The following DPEP1 variants were observed in gnomAD, a reference collection of about 807,000 sequenced individuals.
The protein encoded by DPEP1 is dipeptidase 1, also known as beta-lactamase.
DPEP1 carries 50 observed loss-of-function variants against 42.3 expected under a neutral mutation model. The observed-to-expected ratio is 1.18, with a 90% confidence interval of 0.94 to 1.50. DPEP1 has a LOEUF of 1.50. DPEP1 is among the 40% of genes most tolerant of loss of function. DPEP1 has a pLI of 0.00. For synonymous variants in DPEP1, 297 were observed against 234.0 expected, an observed-to-expected ratio of 1.27 and a Z score of -2.46; for missense variants, 663 against 553.0, an observed-to-expected ratio of 1.20 and a Z score of -1.99.
In DPEP1 at chr16:89,637,637, C is replaced by A; in HGVS notation, c.859C>A (p.Leu287Met). The A allele has an allele frequency of 6.2e-7, 1 of 1,612,960 alleles. No individual in the cohort carries two copies. Among genetic ancestry groups the A allele is most frequent in the Non-Finnish European group, 8.5e-7 (1 of 1,179,992 alleles). Residue 287 changes from leucine (L) to methionine (M), a missense_variant, in exon 9 of 11, where the codon CTG becomes ATG. Physicochemically the swap from Leu to Met is conservative, Grantham distance 15. Transcript: ENST00000690203. The part of the protein sequence containing the change: ...KANLSQVADH[L>M]DHIKEVAGAR... ...ACCTGCTGCTCCCTGGACAGACCATCTGGATCACATCAAGGAGGTGGCAGG... is the reference window on the plus strand; with the variant it reads ...ACCTGCTGCTCCCTGGACAGACCATATGGATCACATCAAGGAGGTGGCAGG...
intron 1 of DPEP1, among the ~76,000 whole-genome samples, chr16:89,628,616 C>T (rs1359246208): frequency 6.6e-6 from 1 of 152,008 alleles, no homozygotes; most frequent in Non-Finnish European, 1.5e-5. Flanking sequence ...GCCTCAAGTT[C>T]TCTCCTTAGT....
At chr16:89,615,255 G>A (rs2059370080) in intron 1 of DPEP1, among the ~76,000 whole-genome samples, 1 of 152,214 alleles carries the variant, frequency 6.6e-6, no homozygotes, top group African/African-American at 2.4e-5. Context: ...GACGGACACT[G>A]AGCCCCAAAG....
chr16:89,639,028 ACAC>A (rs2059721808), downstream of DPEP1, among the ~76,000 whole-genome samples: 1 of 62,360 alleles, frequency 1.6e-5, no homozygotes, highest in Admixed American at 2.0e-4. Context: ...CTGCACGCAC[ACAC>A]CCCCCACCCC....
In DPEP1 at chr16:89,637,630, A is replaced by G; in HGVS notation, c.854-2A>G. ...GACCCATACCTGCTGCTCCCTGGAC[A>G]GACCATCTGGATCACATCAAGGAGG... On this transcript the variant is annotated splice_acceptor_variant, in intron 8 of 10. Coordinates refer to ENST00000690203, the MANE Select transcript of DPEP1 (RefSeq NM_001389466.1). LOFTEE classifies it high-confidence loss of function. The G allele has an allele frequency of 6.2e-7, 1 of 1,612,962 alleles. No homozygotes were observed. Among genetic ancestry groups the G allele is most frequent in the Non-Finnish European group, 8.5e-7 (1 of 1,179,996 alleles).
chr16:89,614,040 GC>G (rs1325284837), intron 1 of DPEP1, among the ~76,000 whole-genome samples: 1 of 145,568 alleles, frequency 6.9e-6, no homozygotes, highest in Non-Finnish European at 1.5e-5. Context: ...GGAAACTGGG[GC>G]CAGGTGTGTG....
At chr16:89,614,898 G>A (rs1300554503) in intron 1 of DPEP1, among the ~76,000 whole-genome samples, 3 of 152,188 alleles carry the variant, frequency 2.0e-5, no homozygotes, top group Non-Finnish European at 4.4e-5. Flanking sequence ...GCGGAAGTTG[G>A]AGTCTGGAGC....
intron 1 of DPEP1, among the ~76,000 whole-genome samples, chr16:89,625,996 G>A (rs377113898): frequency 2.6e-5 from 4 of 152,294 alleles, no homozygotes; most frequent in African/African-American, 4.8e-5. Flanking sequence ...CCTCAGAAAC[G>A]GTGCAAAATG....
chr16:89,636,951 G>A lies in DPEP1; in HGVS notation c.591+16G>A. 2 of 1,611,718 alleles carry A rather than the reference G, an allele frequency of 1.2e-6. No homozygotes were observed. The highest frequency in any genetic ancestry group is 1.7e-6 in the Non-Finnish European group (2 of 1,179,716). ...CTTTGGGCAGGTGAGTGGGGTGGGA[G>A]CGGCCAGTCACCCCCGAGGAGAAGG... On this transcript the variant is annotated intron_variant, in intron 6 of 10. Coordinates refer to ENST00000690203, the MANE Select transcript of DPEP1 (RefSeq NM_001389466.1).
intron 1 of DPEP1, among the ~76,000 whole-genome samples, chr16:89,614,575 A>C (rs2059363086): frequency 6.6e-6 from 1 of 152,150 alleles, no homozygotes; most frequent in African/African-American, 2.4e-5. Flanking sequence ...TGGGCAGATC[A>C]TGAGGTCAGG....
chr16:89,614,518 G>T (rs1597735853), intron 1 of DPEP1, among the ~76,000 whole-genome samples: 1 of 152,350 alleles, frequency 6.6e-6, no homozygotes, highest in East Asian at 1.9e-4. Flanking sequence ...GCTGTGGCCG[G>T]GCGCGGTGGC....
chr16:89,620,079 C>A (rs562943379), intron 1 of DPEP1, among the ~76,000 whole-genome samples: 2 of 151,172 alleles, frequency 1.3e-5, no homozygotes, highest in South Asian at 4.2e-4. Context: ...CAGCTCAGTG[C>A]GGTCCACACG....
chr16:89,635,556 G>A lies in DPEP1; in HGVS notation c.105-352G>A, dbSNP rs547346728. ...TCACCCCCAGGCCCTTGCCCCTCAC[G>A]TCTCCAATCCTGTCCACTGAGGTCA... On this transcript the variant is annotated intron_variant, in intron 2 of 10. Coordinates refer to ENST00000690203, the MANE Select transcript of DPEP1 (RefSeq NM_001389466.1). Among the ~76,000 whole-genome samples the A allele has an allele frequency of 9.9e-5, 15 of 152,224 alleles. No individual in the cohort carries two copies. The East Asian group carries it at 1.7e-3, about 18-fold the overall frequency.
At position 89,637,506 on chromosome 16, in the gene DPEP1, C is replaced by A; in HGVS notation, c.807C>A (p.Asn269Lys). The A allele has an allele frequency of 3.1e-6, 5 of 1,612,878 alleles. No individual in the cohort carries two copies. The highest frequency in any genetic ancestry group is 4.2e-6 in the Non-Finnish European group (5 of 1,179,996). Residue 269 changes from asparagine to lysine, a missense_variant, in exon 8 of 11, where the codon AAC becomes AAA. By Grantham distance (94) the Asn-to-Lys change is moderately conservative. Transcript: ENST00000690203. ...GCCTGGTGATGGTGAACTTCTACAA[C>A]AATTACATTTCCTGCACCAACAAGG... ...TDSLVMVNFY[N>K]NYISCTNKAN...
rs372554004 is a variant in DPEP1 at position 89,637,534 on chromosome 16, A to C, written c.835A>C (p.Asn279His). The change falls in exon 8 of 11, where the codon AAC becomes CAC. Residue 279 changes from asparagine (N) to histidine (H), a missense_variant. Asn to His is a moderately conservative substitution (Grantham distance 68, BLOSUM62 1). Transcript: ENST00000690203. Reference sequence around the variant, plus strand: ...TTACATTTCCTGCACCAACAAGGCCAACCTGTCCCAAGTGGCCGGTAGGTG... The same window carrying C: ...TTACATTTCCTGCACCAACAAGGCCCACCTGTCCCAAGTGGCCGGTAGGTG... ...NNYISCTNKANLSQVADHLDH... is the reference protein window; with the variant it reads ...NNYISCTNKAHLSQVADHLDH... 3.1e-6 allele frequency: 5 copies of C among 1,612,788 alleles called. No individual in the cohort carries two copies. In the South Asian group the frequency reaches 5.5e-5, roughly 18 times the overall value.
Position 89,637,683 on chromosome 16 carries a change from G to A in DPEP1, c.905G>A (p.Gly302Asp). Residue 302 changes from glycine to aspartate, a missense_variant, in exon 9 of 11, where the codon GGT (glycine) becomes GAT (aspartate). Physicochemically the swap from Gly to Asp is moderately conservative, Grantham distance 94. Coordinates refer to ENST00000690203, the MANE Select transcript of DPEP1 (RefSeq NM_001389466.1). ...EVAGARAVGF[G>D]GDFDGVPRVP... ...GCAGGAGCCAGAGCCGTGGGTTTTG[G>A]TGGGGACTTTGATGGTGTTCCAAGG... The A allele has an allele frequency of 6.2e-7, 1 of 1,613,076 alleles. No individual in the cohort carries two copies. The highest frequency in any genetic ancestry group is 8.5e-7 in the Non-Finnish European group (1 of 1,179,986).
intron 1 of DPEP1, among the ~76,000 whole-genome samples, chr16:89,628,321 G>A (rs149958092): frequency 3.5e-5 from 5 of 144,420 alleles, no homozygotes; most frequent in East Asian, 2.1e-4. Flanking sequence ...GCAATGGCGC[G>A]ATCACAGCTC....
chr16:89,627,832 G>A (rs1040757035), intron 1 of DPEP1, among the ~76,000 whole-genome samples: 3 of 150,096 alleles, frequency 2.0e-5, no homozygotes, highest in African/African-American at 7.4e-5. Flanking sequence ...GTAAATTTTT[G>A]TATTTTTAGT....
chr16:89,637,160 C>T (rs768109339), intron 6 of DPEP1, 44 bp from the exon 7 acceptor site: 21 of 1,593,030 alleles, frequency 1.3e-5, no homozygotes, highest in East Asian at 4.5e-5. Flanking sequence ...TCCGCAGCCC[C>T]GACCCTGGGG....
chr16:89,623,171 T>C (rs1166706824), intron 1 of DPEP1, among the ~76,000 whole-genome samples: 2 of 151,924 alleles, frequency 1.3e-5, no homozygotes, highest in Non-Finnish European at 2.9e-5. Context: ...CTGGGCGTGG[T>C]GGCAGTTGCT....
Sources: gnomAD v4.1 joint callset for allele counts (sites outside exome capture counted in the v4.1 genomes callset) on GRCh38, gnomAD v4.1.1 for gene constraint, MANE v1.5 for transcripts, NCBI Gene and HGNC (gene_info 2026-07-23, HGNC 2026-07-21) for gene names.